Variants in KIAA1328 observed in about 807,000 individuals in gnomAD.
KIAA1328 encodes the protein protein hinderin.
KIAA1328 carries 52 observed loss-of-function variants against 68.1 expected under a neutral mutation model. The ratio of observed to expected loss-of-function variants is 0.76; its 90% CI spans 0.61 to 0.96. KIAA1328 has a LOEUF of 0.96. Ranked by LOEUF, KIAA1328 falls within the 40% of genes least tolerant of loss-of-function variation. KIAA1328 has a pLI of 0.00. For synonymous variants in KIAA1328, 232 were observed against 239.4 expected, an observed-to-expected ratio of 0.97 and a Z score of 0.28; for missense variants, 641 against 677.6, an observed-to-expected ratio of 0.95 and a Z score of 0.60.
intron 6 of KIAA1328, among the ~76,000 whole-genome samples, chr18:37,016,813 T>A (rs1348873723): frequency 6.6e-6 from 1 of 152,166 alleles, no homozygotes; most frequent in Non-Finnish European, 1.5e-5. Flanking sequence ...GGTTGTGATG[T>A]CACCTTTGTT....
intron 9 of KIAA1328, among the ~76,000 whole-genome samples, chr18:37,202,139 A>AT (rs35212774): frequency 0.29 from 44,456 of 151,284 alleles, 9,111 homozygotes; most frequent in African/African-American, 0.59. Flanking sequence ...AAATGCTTCC[A>AT]TTTTTTTTTA....
intron 8 of KIAA1328, among the ~76,000 whole-genome samples, chr18:37,167,528 G>A (rs930584734): frequency 1.3e-5 from 2 of 152,060 alleles, no homozygotes; most frequent in South Asian, 2.1e-4. Context: ...TCTTCCAACC[G>A]CTTTGGCCAA....
At chr18:36,831,352 T>C (rs1007922625) in intron 1 of KIAA1328, among the ~76,000 whole-genome samples, 12 of 152,194 alleles carry the variant, frequency 7.9e-5, no homozygotes, top group African/African-American at 2.9e-4. Context: ...CTGCACAGTA[T>C]GATTCAGCAG....
At chr18:36,943,618 C>G (rs2050789642) in intron 5 of KIAA1328, among the ~76,000 whole-genome samples, 1 of 152,128 alleles carries the variant, frequency 6.6e-6, no homozygotes, top group African/African-American at 2.4e-5. Flanking sequence ...AATTTTTGCA[C>G]AGGTGGTATA....
At chr18:36,996,281 G>A (rs1003215308) in intron 6 of KIAA1328, among the ~76,000 whole-genome samples, 5 of 151,978 alleles carry the variant, frequency 3.3e-5, no homozygotes, top group African/African-American at 1.2e-4. Context: ...TTTATATATA[G>A]ACATGTAATT....
intron 5 of KIAA1328, among the ~76,000 whole-genome samples, chr18:36,935,284 A>G (rs181097313): frequency 3.3e-5 from 5 of 152,368 alleles, no homozygotes; most frequent in Admixed American, 2.0e-4. Flanking sequence ...GAAATCAGCC[A>G]CTGGAAATAA....
chr18:37,099,986 G>A (rs931516645), intron 7 of KIAA1328, among the ~76,000 whole-genome samples: 11 of 152,148 alleles, frequency 7.2e-5, no homozygotes, highest in Non-Finnish European at 1.2e-4. Flanking sequence ...CGTGAGATGG[G>A]TTTCCTGAAT....
chr18:36,921,989 A>G (rs1050631731), intron 5 of KIAA1328, among the ~76,000 whole-genome samples: 1 of 151,612 alleles, frequency 6.6e-6, no homozygotes, highest in Non-Finnish European at 1.5e-5. Context: ...GTGCAATGGC[A>G]CGATCGTGGC....
chr18:37,069,224 C>G (rs1248935774), intron 7 of KIAA1328, among the ~76,000 whole-genome samples: 5 of 151,178 alleles, frequency 3.3e-5, no homozygotes, highest in Admixed American at 6.6e-5. Context: ...TTACTGAATT[C>G]CATTTACTAA....
At chr18:37,111,207 A>C (rs2057920694) in intron 7 of KIAA1328, among the ~76,000 whole-genome samples, 1 of 152,228 alleles carries the variant, frequency 6.6e-6, no homozygotes, top group South Asian at 2.1e-4. Flanking sequence ...ATCCATAGGC[A>C]GGCTATCAAG....
At chr18:37,133,306 T>G (rs1166933465) in intron 7 of KIAA1328, among the ~76,000 whole-genome samples, 8 of 145,342 alleles carry the variant, frequency 5.5e-5, no homozygotes, top group East Asian at 2.0e-4. Flanking sequence ...TACTCCAGCC[T>G]GGGCAATAAG....
intron 1 of KIAA1328, among the ~76,000 whole-genome samples, chr18:36,830,611 G>C (rs188406745): frequency 6.6e-6 from 1 of 152,264 alleles, no homozygotes; most frequent in African/African-American, 2.4e-5. Context: ...CAATGGGACT[G>C]AATAAGTGTA....
At chr18:36,994,325 A>T (rs1259152508) in intron 6 of KIAA1328, among the ~76,000 whole-genome samples, 2 of 152,162 alleles carry the variant, frequency 1.3e-5, no homozygotes, top group Non-Finnish European at 2.9e-5. Context: ...TTTTTCTTTG[A>T]TATTTGAAGT....
At chr18:36,887,960 TAAG>T (rs1470185841) in intron 5 of KIAA1328, among the ~76,000 whole-genome samples, 3 of 152,144 alleles carry the variant, frequency 2.0e-5, no homozygotes, top group South Asian at 2.1e-4. Flanking sequence ...GTAAAATACT[TAAG>T]AAAATTTTGT....
intron 5 of KIAA1328, among the ~76,000 whole-genome samples, chr18:36,951,212 T>A (rs1231751239): frequency 6.6e-6 from 1 of 152,212 alleles, no homozygotes; most frequent in Non-Finnish European, 1.5e-5. Flanking sequence ...CAGCACTACA[T>A]AATGTTCTTG....
intron 5 of KIAA1328, among the ~76,000 whole-genome samples, chr18:36,930,204 T>C (rs1466300095): frequency 6.6e-6 from 1 of 152,168 alleles, no homozygotes; most frequent in East Asian, 1.9e-4. Context: ...TCAGCTGTTT[T>C]ATTCATATCT....
In KIAA1328 at chr18:36,915,549, C is replaced by T. The variant is rs537280306; in HGVS notation, c.448+29877C>T. ...ACACTTCACCAAGGACAGCATAGTA[C>T]GGCAATAAACACATGAAAACATGTC... On this transcript the variant is annotated intron_variant, in intron 5 of 9. Transcript: ENST00000280020. Among the ~76,000 whole-genome samples the T allele has an allele frequency of 1.5e-4, 23 of 152,164 alleles. No homozygotes were observed. In the South Asian group the frequency reaches 3.7e-3, roughly 25 times the overall value.
chr18:36,990,379 TTAATG>T (rs1260312019), intron 6 of KIAA1328, among the ~76,000 whole-genome samples: 2 of 151,964 alleles, frequency 1.3e-5, no homozygotes, highest in Non-Finnish European at 2.9e-5. Context: ...TATATATACA[TTAATG>T]TATATTTGAG....
At chr18:36,893,483 G>GTA (rs2048770312) in intron 5 of KIAA1328, among the ~76,000 whole-genome samples, 1 of 150,794 alleles carries the variant, frequency 6.6e-6, no homozygotes, top group Admixed American at 6.6e-5. Flanking sequence ...GTGTGTGTGT[G>GTA]TGTGTGTGTG....
Sources: allele counts gnomAD v4.1 joint callset (sites outside exome capture counted in the v4.1 genomes callset), GRCh38; gene constraint gnomAD v4.1.1; transcripts MANE v1.5; gene names NCBI Gene and HGNC (gene_info 2026-07-23, HGNC 2026-07-21).